Variants in ZEB1 observed in about 807,000 individuals in gnomAD.
The protein encoded by ZEB1 is zinc finger E-box-binding homeobox 1.
ZEB1 carries 21 observed loss-of-function variants against 84.9 expected under a neutral mutation model. The ratio of observed to expected loss-of-function variants is 0.25; its 90% confidence interval spans 0.18 to 0.36. The LOEUF is 0.36. Among genes scored for constraint, ZEB1 ranks in the 10% least tolerant of loss-of-function variants. ZEB1 has a pLI of 1.00. For missense variants in ZEB1, 1,104 were observed against 1,330.2 expected, an observed-to-expected ratio of 0.83 and a Z score of 2.65; for synonymous variants, 420 against 471.1, an observed-to-expected ratio of 0.89 and a Z score of 1.41.
Position 31,475,072 on chromosome 10 carries a change from G to GA in ZEB1, c.259+13835_259+13836insA, listed in dbSNP as rs1410987487. ...TCTGGGGACTGTTGTGGGGTGGGGC[G>GA]GGGGGGAGGGATAGCATTGGGAGAT... On this transcript the variant is annotated intron_variant, in intron 2 of 8. Coordinates refer to ENST00000424869, the MANE Select transcript of ZEB1 (RefSeq NM_001174096.2). Among the ~76,000 whole-genome samples the GA allele has an allele frequency of 6.0e-5, 9 of 150,380 alleles. No individual in the cohort carries two copies. In the South Asian group the frequency reaches 8.4e-4, roughly 14 times the overall value.
rs1296430050 is a variant in ZEB1 at position 31,497,039 on chromosome 10, G to A, written c.322+1201G>A. On this transcript the variant is annotated intron_variant, in intron 3 of 8. Coordinates refer to ENST00000424869, the MANE Select transcript of ZEB1 (RefSeq NM_001174096.2). Reference sequence around the variant, plus strand: ...TGTTTTGCCCCTAACTTCGTTCTGTGTAACTTGCATGAATAATGTATTCAG... The same window carrying A: ...TGTTTTGCCCCTAACTTCGTTCTGTATAACTTGCATGAATAATGTATTCAG... Among the ~76,000 whole-genome samples the A allele has an allele frequency of 2.6e-5, 4 of 152,032 alleles. No individual in the cohort carries two copies. In the South Asian group the frequency reaches 8.3e-4, roughly 31 times the overall value.
At chr10:31,469,178 T>A (rs1270069122) in intron 2 of ZEB1, among the ~76,000 whole-genome samples, 2 of 152,186 alleles carry the variant, frequency 1.3e-5, no homozygotes, top group Non-Finnish European at 2.9e-5. Flanking sequence ...ATTTCAGAGC[T>A]TGACGACTAG....
At chr10:31,413,893 G>A (rs1415101862) in intron 1 of ZEB1, among the ~76,000 whole-genome samples, 3 of 152,086 alleles carry the variant, frequency 2.0e-5, no homozygotes, top group African/African-American at 7.2e-5. Flanking sequence ...GTTTCTAACT[G>A]ACCCTAAACA....
At chr10:31,503,532 A>C (rs1274482632) in intron 4 of ZEB1, among the ~76,000 whole-genome samples, 5 of 152,098 alleles carry the variant, frequency 3.3e-5, no homozygotes. Context: ...TGTAATAAGC[A>C]TGAAGATCCA....
intron 1 of ZEB1, among the ~76,000 whole-genome samples, chr10:31,418,391 G>T (rs2055576082): frequency 1.3e-5 from 2 of 152,000 alleles, no homozygotes; most frequent in South Asian, 4.1e-4. Context: ...GAGTGGATGG[G>T]GGGATATAGG....
In ZEB1 at chr10:31,510,756, A is replaced by G. The variant is rs1189127426; in HGVS notation, c.568A>G (p.Ile190Val). The G allele has an allele frequency of 3.7e-6, 6 of 1,613,856 alleles. No individual in the cohort carries two copies. The highest frequency in any genetic ancestry group is 3.4e-6 in the Non-Finnish European group (4 of 1,179,918). ...YKRFTSLKEH[I>V]KYRHEKNEDN... is the part of the protein sequence containing the mutation. ...ACGCTTTACCTCTCTGAAAGAACAC[A>G]TTAAATATCGTCATGAAAAGAATGA... is the stretch of plus-strand genomic sequence containing the variant. Residue 190 changes from isoleucine (I) to valine (V), a missense_variant, in exon 5 of 9, where the codon ATT becomes GTT. By Grantham distance (29) the Ile-to-Val change is conservative. Coordinates refer to ENST00000424869, the MANE Select transcript of ZEB1 (RefSeq NM_001174096.2).
At chr10:31,416,017 G>T (rs2055154552) in intron 1 of ZEB1, among the ~76,000 whole-genome samples, 1 of 151,996 alleles carries the variant, frequency 6.6e-6, no homozygotes, top group Non-Finnish European at 1.5e-5. Flanking sequence ...TATCTTATTA[G>T]TCTTCTTATC....
rs1263373946 is a variant in ZEB1, at chr10:31,520,793, A to G, written c.1461A>G (p.Gln487=). 10 of 1,613,956 alleles carry G rather than the reference A, an allele frequency of 6.2e-6. No individual in the cohort carries two copies. Among genetic ancestry groups the G allele is most frequent in the African/African-American group, 4.0e-5 (3 of 74,918 alleles). ...NYSLEQPSQL[Q]VVPQNLKKEN... The stretch of plus-strand genomic sequence containing the variant: ...GTCTTGAGCAGCCTAGCCAACTTCA[A>G]GTTGTTCCTCAAAATTTAAAAAAAG... The change falls in exon 7 of 9, where the codon CAA becomes CAG. Residue 487 remains glutamine, a synonymous_variant. Coordinates refer to ENST00000424869, the MANE Select transcript of ZEB1 (RefSeq NM_001174096.2). This position sits in a 1 kb window ranked among gnomAD's most constrained non-coding sequence, Gnocchi z 5.1.
intron 2 of ZEB1, among the ~76,000 whole-genome samples, chr10:31,492,660 A>G (rs2066694177): frequency 6.6e-6 from 1 of 151,930 alleles, no homozygotes; most frequent in African/African-American, 2.4e-5. Flanking sequence ...TCCCATGAAC[A>G]TATTTGAAAT....
intron 6 of ZEB1, among the ~76,000 whole-genome samples, chr10:31,515,323 CAGAG>C (rs1474534082): frequency 1.3e-5 from 2 of 151,974 alleles, no homozygotes; most frequent in South Asian, 2.1e-4. Context: ...TCAGAGTAAA[CAGAG>C]AGCTATATTT....
At chr10:31,503,827 A>AT (rs1271448503) in intron 4 of ZEB1, among the ~76,000 whole-genome samples, 1 of 151,860 alleles carries the variant, frequency 6.6e-6, no homozygotes, top group Non-Finnish European at 1.5e-5. Flanking sequence ...GATGGTGAGC[A>AT]TTTTTTTGTA....
chr10:31,388,522 A>G (rs1389162733), intron 1 of ZEB1, among the ~76,000 whole-genome samples: 1 of 152,126 alleles, frequency 6.6e-6, no homozygotes, highest in Admixed American at 6.6e-5. Context: ...ATGAGGAAAA[A>G]ATACAAATTG....
chr10:31,448,862 T>C (rs2060148652), intron 1 of ZEB1, among the ~76,000 whole-genome samples: 1 of 152,140 alleles, frequency 6.6e-6, no homozygotes, highest in African/African-American at 2.4e-5. Context: ...ACTGCTGTCT[T>C]TTTGTTTGTC....
intron 1 of ZEB1, among the ~76,000 whole-genome samples, chr10:31,427,077 A>G (rs983761487): frequency 6.6e-6 from 1 of 152,092 alleles, no homozygotes; most frequent in Admixed American, 6.5e-5. Context: ...AGATATCAAA[A>G]TATGTTTAAA....
At chr10:31,443,271 CAT>C (rs1412069127) in intron 1 of ZEB1, among the ~76,000 whole-genome samples, 25 of 152,200 alleles carry the variant, frequency 1.6e-4, no homozygotes, top group African/African-American at 5.1e-4. Flanking sequence ...AGCCTTTAGT[CAT>C]ATGTGTTGCA....
At chr10:31,365,095 T>C (rs966041085) in intron 1 of ZEB1, among the ~76,000 whole-genome samples, 1 of 152,208 alleles carries the variant, frequency 6.6e-6, no homozygotes, top group African/African-American at 2.4e-5. Flanking sequence ...ATAGATCAGC[T>C]TTGGTCTGTC....
Position 31,521,409 on chromosome 10 carries a change from G to A in ZEB1, c.2077G>A (p.Gly693Arg). The change falls in exon 7 of 9, where the codon GGA becomes AGA. Residue 693 changes from glycine (G) to arginine (R), a missense_variant. Coordinates refer to ENST00000424869, the MANE Select transcript of ZEB1 (RefSeq NM_001174096.2). ...KMTNSPVLPV[G>R]STTNGSRSST... ...GACTAACTCCCCAGTTTTACCAGTGGGATCAACCACCAATGGTTCCAGAAG... is the reference window on the plus strand; with the variant it reads ...GACTAACTCCCCAGTTTTACCAGTGAGATCAACCACCAATGGTTCCAGAAG... The A allele has an allele frequency of 6.2e-7, 1 of 1,613,954 alleles. No individual in the cohort carries two copies. Among genetic ancestry groups the A allele is most frequent in the Non-Finnish European group, 8.5e-7 (1 of 1,179,976 alleles).
chr10:31,449,367 C>G (rs189129567), intron 1 of ZEB1, among the ~76,000 whole-genome samples: 2 of 152,242 alleles, frequency 1.3e-5, no homozygotes, highest in African/African-American at 2.4e-5. Context: ...AGAAATCACC[C>G]GTCTTCTGCG....
intron 2 of ZEB1, among the ~76,000 whole-genome samples, chr10:31,472,273 G>T (rs1040400565): frequency 1.3e-5 from 2 of 152,108 alleles, no homozygotes; most frequent in South Asian, 4.1e-4. Flanking sequence ...TAATCCCAGA[G>T]CTGGTTTTTT....
Sources: gnomAD v4.1 joint callset for allele counts (sites outside exome capture counted in the v4.1 genomes callset) on GRCh38, gnomAD v4.1.1 for gene constraint, Gnocchi (gnomAD v3.1) non-coding constraint, MANE v1.5 for transcripts, NCBI Gene and HGNC (gene_info 2026-07-23, HGNC 2026-07-21) for gene names.